ARB2A: variants seen among roughly 807,000 people sequenced by gnomAD.
ARB2A encodes ARB2 cotranscriptional regulator A.
chr5:93,809,086 ATTC>A, the ARB2A span, among the ~76,000 whole-genome samples: 11 of 152,158 alleles, frequency 7.2e-5, no homozygotes, highest in East Asian at 1.9e-3. Flanking sequence ...AAATTACATG[ATTC>A]TTCTTTTAGC....
the ARB2A span, among the ~76,000 whole-genome samples, chr5:93,953,468 G>A: frequency 2.0e-5 from 3 of 150,260 alleles, no homozygotes; most frequent in East Asian, 2.0e-4. Flanking sequence ...TCTCTGGATT[G>A]CCAGGCAGAA....
At chr5:94,004,998 C>CCAAAAAAAAAAAAAAAAAAAAAAAA in the ARB2A span, among the ~76,000 whole-genome samples, 1 of 12,552 alleles carries the variant, frequency 8.0e-5, no homozygotes, top group African/African-American at 2.3e-4. Context: ...ATTTTATCAG[C>CCAAAAAAAAAAAAAAAAAAAAAAAA]AAAAAAAAAA....
At chr5:93,961,705 G>C in the ARB2A span, among the ~76,000 whole-genome samples, 1 of 151,866 alleles carries the variant, frequency 6.6e-6, no homozygotes, top group African/African-American at 2.4e-5. Context: ...AGAGGGAAAA[G>C]GGAATCACAT....
chr5:94,077,968 C>A, the ARB2A span, among the ~76,000 whole-genome samples: 1 of 152,158 alleles, frequency 6.6e-6, no homozygotes, highest in African/African-American at 2.4e-5. Flanking sequence ...AATAACTTGT[C>A]ATGTGTAATC....
chr5:93,985,498 G>A, the ARB2A span, among the ~76,000 whole-genome samples: 199 of 151,960 alleles, frequency 1.3e-3, 1 homozygote, highest in East Asian at 0.025. Context: ...GTATTGCCGC[G>A]ATCTCCACTC....
At chr5:93,810,860 A>G in the ARB2A span, among the ~76,000 whole-genome samples, 1 of 152,060 alleles carries the variant, frequency 6.6e-6, no homozygotes, top group Non-Finnish European at 1.5e-5. Context: ...TAGTTGTGTG[A>G]TCTTAGGTAA....
At chr5:93,975,526 TAAATA>T in the ARB2A span, among the ~76,000 whole-genome samples, 1 of 152,086 alleles carries the variant, frequency 6.6e-6, no homozygotes, top group Non-Finnish European at 1.5e-5. Flanking sequence ...CTTTGAAAGA[TAAATA>T]AAATTGATAA....
At chr5:93,752,617 T>A in the ARB2A span, among the ~76,000 whole-genome samples, 1 of 152,078 alleles carries the variant, frequency 6.6e-6, no homozygotes, top group African/African-American at 2.4e-5. Flanking sequence ...TTGGAATTAC[T>A]GGAAAACTGA....
the ARB2A span, among the ~76,000 whole-genome samples, chr5:93,800,918 T>C: frequency 1.3e-3 from 201 of 152,242 alleles, 4 homozygotes; most frequent in East Asian, 0.028. Context: ...CAATCTTTAA[T>C]ATAGTTTTAA....
the ARB2A span, among the ~76,000 whole-genome samples, chr5:93,843,891 T>C: frequency 7.0e-4 from 107 of 151,910 alleles, no homozygotes; most frequent in African/African-American, 2.4e-3. Context: ...CAGGAAATTA[T>C]CAACAAAATA....
the ARB2A span, among the ~76,000 whole-genome samples, chr5:94,005,027 G>GAAAAAAAAAAAAA: frequency 2.1e-5 from 1 of 48,578 alleles, no homozygotes; most frequent in Non-Finnish European, 3.7e-5. Flanking sequence ...AAAAAAAAAA[G>GAAAAAAAAAAAAA]AGAGAGGACA....
chr5:94,064,265 A>T, the ARB2A span, among the ~76,000 whole-genome samples: 3 of 152,204 alleles, frequency 2.0e-5, no homozygotes, highest in African/African-American at 7.2e-5. Flanking sequence ...TGCATTTCAG[A>T]ACACAAAGAC....
the ARB2A span, among the ~76,000 whole-genome samples, chr5:93,995,783 A>C: frequency 6.6e-6 from 1 of 152,210 alleles, no homozygotes; most frequent in Non-Finnish European, 1.5e-5. Context: ...AAGTTTGACA[A>C]GAGGGTAAAT....
the ARB2A span, among the ~76,000 whole-genome samples, chr5:94,006,516 G>C: frequency 6.6e-6 from 1 of 152,126 alleles, no homozygotes; most frequent in African/African-American, 2.4e-5. Flanking sequence ...CAAGATGCTA[G>C]CACTGGGGAA....
At chr5:94,038,614 T>C in the ARB2A span, among the ~76,000 whole-genome samples, 5 of 152,110 alleles carry the variant, frequency 3.3e-5, no homozygotes, top group African/African-American at 7.2e-5. Context: ...TCAGTTTATT[T>C]TACTTACACA....
chr5:93,757,884 T>C, the ARB2A span, among the ~76,000 whole-genome samples: 193 of 152,184 alleles, frequency 1.3e-3, no homozygotes, highest in African/African-American at 4.4e-3. Context: ...AATGCAATGG[T>C]ACCACACATT....
the ARB2A span, among the ~76,000 whole-genome samples, chr5:94,013,178 T>A: frequency 6.7e-6 from 1 of 149,410 alleles, no homozygotes; most frequent in Non-Finnish European, 1.5e-5. Context: ...AAGTTGTTTT[T>A]TTTTTTTTTT....
chr5:93,987,282 G>A, the ARB2A span, among the ~76,000 whole-genome samples: 1 of 152,130 alleles, frequency 6.6e-6, no homozygotes, highest in Non-Finnish European at 1.5e-5. Context: ...GGAAGAGTCA[G>A]AGGAAAGAAG....
the ARB2A span, among the ~76,000 whole-genome samples, chr5:93,808,168 A>T: frequency 6.6e-6 from 1 of 152,044 alleles, no homozygotes; most frequent in South Asian, 2.1e-4. Context: ...AATATCTCAT[A>T]CTGCCCGCGA....
Sources: allele counts gnomAD v4.1 joint callset (sites outside exome capture counted in the v4.1 genomes callset), GRCh38; gene constraint gnomAD v4.1.1; transcripts MANE v1.5; gene names NCBI Gene and HGNC (gene_info 2026-07-23, HGNC 2026-07-21).